Variants in PDE9A observed in about 807,000 individuals in gnomAD.
The protein encoded by PDE9A is phosphodiesterase 9A.
In PDE9A, 60 loss-of-function variants were observed where a neutral mutation model predicts 87.4. The ratio of observed to expected loss-of-function variants is 0.69; its 90% confidence interval spans 0.56 to 0.85. The LOEUF is 0.85. Among genes scored for constraint, PDE9A ranks in the 40% least tolerant of loss-of-function variants. PDE9A has a pLI of 0.00. For missense variants in PDE9A, 665 were observed against 779.0 expected, an observed-to-expected ratio of 0.85 and a Z score of 1.74; for synonymous variants, 272 against 279.4, an observed-to-expected ratio of 0.97 and a Z score of 0.27.
In PDE9A at chr21:42,689,631, G is replaced by A. The variant is rs562365806; in HGVS notation, c.218+1637G>A. 1.6e-5 allele frequency: 16 copies of A among 985,418 alleles called. No homozygotes were observed. The Admixed American group carries it at 1.8e-4, about 11-fold the overall frequency. The allele number at this position is 985,418 out of a possible 1,614,324, so 61.0% of individuals were successfully genotyped here. On this transcript the variant is annotated intron_variant, in intron 3 of 19. Transcript: ENST00000291539. ...ACAGCGTGCAGAGACATTTAAACTC[G>A]GCGGGAAATAGGAGAAGCCCACCTT... is the stretch of plus-strand genomic sequence containing the variant.
At chr21:42,753,707 T>G (rs1381691413) in intron 9 of PDE9A, among the ~76,000 whole-genome samples, 1 of 151,394 alleles carries the variant, frequency 6.6e-6, no homozygotes, top group Non-Finnish European at 1.5e-5. Context: ...CTACTAAAAT[T>G]ACAAAAATTA....
At chr21:42,699,874 A>T (rs968717084) in intron 4 of PDE9A, among the ~76,000 whole-genome samples, 2 of 152,282 alleles carry the variant, frequency 1.3e-5, no homozygotes, top group Non-Finnish European at 2.9e-5. Flanking sequence ...TGCCTTTTCC[A>T]TTTGATTTTT....
intron 8 of PDE9A, among the ~76,000 whole-genome samples, chr21:42,745,452 G>C (rs2053745465): frequency 6.6e-6 from 1 of 152,226 alleles, no homozygotes; most frequent in African/African-American, 2.4e-5. Flanking sequence ...CCCTGTGCTG[G>C]AGGCTCTTTA....
chr21:42,750,466 GT>G (rs1050505541), intron 8 of PDE9A, among the ~76,000 whole-genome samples: 56 of 145,154 alleles, frequency 3.9e-4, no homozygotes, highest in East Asian at 8.0e-4. Flanking sequence ...ATATTTTGGT[GT>G]TTTTTTTTTT....
At chr21:42,771,970 G>C (rs1346700295) in intron 18 of PDE9A, among the ~76,000 whole-genome samples, 1 of 152,210 alleles carries the variant, frequency 6.6e-6, no homozygotes, top group Non-Finnish European at 1.5e-5. Flanking sequence ...CCCCGCAAGA[G>C]AGCTGAAGGG....
intron 1 of PDE9A, among the ~76,000 whole-genome samples, chr21:42,683,980 G>GC (rs1200846100): frequency 6.6e-6 from 1 of 152,154 alleles, no homozygotes; most frequent in Non-Finnish European, 1.5e-5. Context: ...GGACCACAGG[G>GC]CCCCCCGCCT....
At chr21:42,670,818 C>T (rs1014498686) in intron 1 of PDE9A, among the ~76,000 whole-genome samples, 2 of 152,174 alleles carry the variant, frequency 1.3e-5, no homozygotes, top group African/African-American at 4.8e-5. Flanking sequence ...TACATTCACA[C>T]ACACACGGAT....
intron 1 of PDE9A, among the ~76,000 whole-genome samples, chr21:42,679,957 G>T (rs1373236347): frequency 6.6e-6 from 1 of 152,246 alleles, no homozygotes. Flanking sequence ...TTGCTGCAGA[G>T]GCCGATGGGT....
At chr21:42,755,981 G>A (rs1203946301) in intron 10 of PDE9A, among the ~76,000 whole-genome samples, 2 of 152,228 alleles carry the variant, frequency 1.3e-5, no homozygotes, top group Admixed American at 6.5e-5. Context: ...CTTGCCCCAC[G>A]AAGCTGGGGG....
chr21:42,766,129 G>GACCA (rs2056375723), intron 15 of PDE9A, among the ~76,000 whole-genome samples: 1 of 152,136 alleles, frequency 6.6e-6, no homozygotes, highest in African/African-American at 2.4e-5. Flanking sequence ...AAAAGTTTGA[G>GACCA]ACCAGTCTGA....
At chr21:42,770,660 T>C (rs768537723) in intron 17 of PDE9A, 43 bp from the exon 18 acceptor site, 4 of 1,506,826 alleles carry the variant, frequency 2.7e-6, no homozygotes, top group South Asian at 1.1e-5. Context: ...TCCCATTGCC[T>C]TAAGAACGAG....
At chr21:42,738,204 A>G (rs983687577) in intron 7 of PDE9A, among the ~76,000 whole-genome samples, 1 of 152,218 alleles carries the variant, frequency 6.6e-6, no homozygotes, top group African/African-American at 2.4e-5. Context: ...CCGTGGCAGG[A>G]GCTGACCGGC....
At chr21:42,670,247 A>ATACATTCACACACATTCACACT (rs1569116768) in intron 1 of PDE9A, among the ~76,000 whole-genome samples, 1 of 149,714 alleles carries the variant, frequency 6.7e-6, no homozygotes, top group African/African-American at 2.5e-5. Context: ...ACACTCATAC[A>ATACATTCACACACATTCACACT]CATACATACA....
At chr21:42,688,119 G>A (rs1480614172) in intron 3 of PDE9A, 125 bp downstream of exon 3, 2 of 792,706 alleles carry the variant, frequency 2.5e-6, no homozygotes, top group Non-Finnish European at 2.1e-6. Flanking sequence ...GAGATGGAGA[G>A]CGAGGGTAGG....
At chr21:42,709,452 TTAAAA>T (rs768711008) in intron 4 of PDE9A, among the ~76,000 whole-genome samples, 3 of 151,832 alleles carry the variant, frequency 2.0e-5, no homozygotes, top group Admixed American at 2.0e-4. Flanking sequence ...ATCCCAGAAC[TTAAAA>T]TTAAATTAAA....
intron 7 of PDE9A, among the ~76,000 whole-genome samples, 200 bp from the exon 8 acceptor site, chr21:42,743,576 A>G (rs552583275): frequency 1.3e-3 from 203 of 152,304 alleles, no homozygotes; most frequent in African/African-American, 4.8e-3. Flanking sequence ...CATGCCTGCG[A>G]GGATAGAGTC....
At position 42,692,581 on chromosome 21, in the gene PDE9A, G is replaced by T. The variant is rs1228370991; in HGVS notation, c.218+4587G>T. On this transcript the variant is annotated intron_variant, in intron 3 of 19. Transcript: ENST00000291539. This position sits in a 1 kb window ranked among gnomAD's most constrained non-coding sequence, Gnocchi z 4.3. Reference sequence around the variant, plus strand: ...TCCCCTCAGTCTCTGGTTTGTGACGGAGGTGGGCCCCGAGAATCTTTCTGC... The same window carrying T: ...TCCCCTCAGTCTCTGGTTTGTGACGTAGGTGGGCCCCGAGAATCTTTCTGC... Among the ~76,000 whole-genome samples the T allele has an allele frequency of 6.6e-6, 1 of 152,142 alleles. No homozygotes were observed. The highest frequency in any genetic ancestry group is 1.5e-5 in the Non-Finnish European group (1 of 68,016).
At chr21:42,689,209 G>T (rs1218189067) in intron 3 of PDE9A, among the ~76,000 whole-genome samples, 1 of 152,220 alleles carries the variant, frequency 6.6e-6, no homozygotes, top group East Asian at 1.9e-4. Context: ...CCCAGTGGAC[G>T]TGTCCAGAGC....
Position 42,731,831 on chromosome 21 carries a change from C to T in PDE9A, c.324C>T (p.Asp108=). The part of the protein sequence containing the change: ...RGQSAERPLR[D]RRVVGLEQPR... ...AGTCTGCTGAGAGACCACTGAGGGA[C>T]AGACGGGTTGTGGGCCTGGAGCAGC... Residue 108 remains aspartate, a synonymous_variant, in exon 5 of 20, where the codon GAC becomes GAT. Coordinates refer to ENST00000291539, the MANE Select transcript of PDE9A (RefSeq NM_002606.3). 1 of 1,614,206 alleles carries T rather than the reference C, an allele frequency of 6.2e-7. No individual in the cohort carries two copies. Among genetic ancestry groups the T allele is most frequent in the Non-Finnish European group, 8.5e-7 (1 of 1,180,026 alleles).
Sources: allele counts gnomAD v4.1 joint callset (sites outside exome capture counted in the v4.1 genomes callset), GRCh38; gene constraint gnomAD v4.1.1; non-coding constraint Gnocchi (gnomAD v3.1); transcripts MANE v1.5; gene names NCBI Gene and HGNC (gene_info 2026-07-23, HGNC 2026-07-21).